MAPK8IP2: variants seen among roughly 807,000 people sequenced by gnomAD.
MAPK8IP2 encodes mitogen-activated protein kinase 8 interacting protein 2.
A neutral mutation model predicts 75.6 loss-of-function variants in MAPK8IP2; 15 were observed. The ratio of observed to expected loss-of-function variants is 0.20; its 90% CI spans 0.13 to 0.31. MAPK8IP2 has a LOEUF of 0.31. Among genes scored for constraint, MAPK8IP2 ranks in the 10% least tolerant of loss-of-function variants. The pLI, the probability that MAPK8IP2 is intolerant of heterozygous loss-of-function variation, is 1.00. For synonymous variants in MAPK8IP2, 632 were observed against 554.5 expected (o/e 1.14, Z -1.96); for missense variants, 1,089 against 1,211.2 (o/e 0.90, Z 1.50).
rs2070986691 is a variant in MAPK8IP2, at chr22:50,603,892, C to G, written c.593C>G (p.Ser198Trp). The G allele has an allele frequency of 2.0e-6, 3 of 1,535,640 alleles. No individual in the cohort carries two copies. Among genetic ancestry groups the G allele is most frequent in the Non-Finnish European group, 2.6e-6 (3 of 1,143,886 alleles). Residue 198 changes from serine (S) to tryptophan (W), a missense_variant, in exon 5 of 12, where the codon TCG becomes TGG. Physicochemically the swap from Ser to Trp is radical, Grantham distance 177. Around this residue, in one of 2 missense-constraint regions of MAPK8IP2, gnomAD observed 960 missense variants for 1,009.6 expected, o/e 0.95. Coordinates refer to ENST00000329492, the MANE Select transcript of MAPK8IP2 (RefSeq NM_012324.6). ...GACACCGGGCCCGGCGGGGCGCAGT[C>G]GCCAGTGCGCCCGGGTTGCGACTGC... is the stretch of plus-strand genomic sequence containing the variant. ...ATDTGPGGAQ[S>W]PVRPGCDCEG...
chr22:50,608,761 C>G (rs1173758096), intron 10 of MAPK8IP2, among the ~76,000 whole-genome samples: 1 of 133,870 alleles, frequency 7.5e-6, no homozygotes, highest in South Asian at 2.5e-4. Context: ...CTGGGGTCAC[C>G]GGGACAGCGG....
chr22:50,610,560 A>C lies in MAPK8IP2; in HGVS notation c.2403-147A>C, dbSNP rs1189618320. The C allele has an allele frequency of 1.2e-5, 9 of 728,812 alleles. No homozygotes were observed. The highest frequency in any genetic ancestry group is 1.1e-4 in the Admixed American group (5 of 46,566). 45.1% of individuals were successfully genotyped at this position (728,812 alleles called of 1,614,324 possible). ...CTGGGCCAGGAGAGCTGAGGGTCAC[A>C]CTTGGGGGTGACATGGCCATGCCTG... On this transcript the variant is annotated intron_variant, in intron 11 of 11. Transcript: ENST00000329492. This position sits in a 1 kb window ranked among gnomAD's most constrained non-coding sequence, Gnocchi z 4.3.
At position 50,605,746 on chromosome 22, in the gene MAPK8IP2, A is replaced by G. The variant is rs768784388; in HGVS notation, c.2014+12A>G. 9 of 1,605,310 alleles carry G rather than the reference A, an allele frequency of 5.6e-6. 1 individual carries two copies. The South Asian group carries it at 6.7e-5, about 12-fold the overall frequency. On this transcript the variant is annotated intron_variant, in intron 7 of 11. Transcript: ENST00000329492. Reference sequence around the variant, plus strand: ...CAAGGACCTGCTGGGTGAGGTCCCAACCCCGAGGGGAGGCTTTTCACCCCA... The same window carrying G: ...CAAGGACCTGCTGGGTGAGGTCCCAGCCCCGAGGGGAGGCTTTTCACCCCA...
Position 50,603,990 on chromosome 22 carries a change from G to A in MAPK8IP2, c.691G>A (p.Asp231Asn). Residue 231 changes from aspartate (D) to asparagine (N), a missense_variant, in exon 5 of 12, where the codon GAC (aspartate) becomes AAC (asparagine). By Grantham distance (23) the Asp-to-Asn change is conservative (BLOSUM62 1). Coordinates refer to ENST00000329492, the MANE Select transcript of MAPK8IP2 (RefSeq NM_012324.6). ...SPSSDPGIEADLRSRSSGGRG... is the reference protein window; with the variant it reads ...SPSSDPGIEANLRSRSSGGRG... ...CTCCTCAGATCCCGGCATCGAGGCT[G>A]ACCTGAGAAGCCGCTCGAGCGGCGG... is the stretch of plus-strand genomic sequence containing the variant. The A allele has an allele frequency of 6.4e-7, 1 of 1,560,348 alleles. No homozygotes were observed. The highest frequency in any genetic ancestry group is 8.6e-7 in the Non-Finnish European group (1 of 1,160,112).
Position 50,604,845 on chromosome 22 carries a change from G to A in MAPK8IP2, c.1546G>A (p.Asp516Asn). 6.3e-7 allele frequency: 1 copy of A among 1,587,528 alleles called. No homozygotes were observed. Among genetic ancestry groups the A allele is most frequent in the South Asian group, 1.1e-5 (1 of 88,624 alleles). The change falls in exon 5 of 12, where the codon GAT becomes AAT. Residue 516 changes from aspartate to asparagine, a missense_variant. By Grantham distance (23) the Asp-to-Asn change is conservative. Around this residue, in one of 2 missense-constraint regions of MAPK8IP2, gnomAD observed 960 missense variants for 1,009.6 expected, o/e 0.95. Coordinates refer to ENST00000329492, the MANE Select transcript of MAPK8IP2 (RefSeq NM_012324.6). ...YDAVKYTLVV[D>N]EHTQLELVSL... is the part of the protein sequence containing the mutation. ...CGCGGTCAAGTACACGCTGGTGGTGGATGAGCACACGCAGCTGGAGCTGGT... is the reference window on the plus strand; with the variant it reads ...CGCGGTCAAGTACACGCTGGTGGTGAATGAGCACACGCAGCTGGAGCTGGT...
At position 50,603,354 on chromosome 22, in the gene MAPK8IP2, G is replaced by T; in HGVS notation, c.303G>T (p.Glu101Asp). The T allele has an allele frequency of 6.4e-7, 1 of 1,555,008 alleles. No individual in the cohort carries two copies. Among genetic ancestry groups the T allele is most frequent in the East Asian group, 2.4e-5 (1 of 41,758 alleles). Reference protein sequence around the residue: ...DDEDEEEEEEEEEGDGEGQEG... With the variant: ...DDEDEEEEEEDEEGDGEGQEG... Reference sequence around the variant, plus strand: ...AGGACGAGGAAGAGGAGGAGGAGGAGGAGGAGGGAGATGGGGAAGGCCAGG... The same window carrying T: ...AGGACGAGGAAGAGGAGGAGGAGGATGAGGAGGGAGATGGGGAAGGCCAGG... The change falls in exon 3 of 12, where the codon GAG (glutamate) becomes GAT (aspartate). Residue 101 changes from glutamate (E) to aspartate (D), a missense_variant. Glu to Asp is a conservative substitution (Grantham distance 45, BLOSUM62 2). Transcript: ENST00000329492.
In MAPK8IP2 at chr22:50,610,105, C is replaced by T. The variant is rs963560544; in HGVS notation, c.2304-107C>T. Reference sequence around the variant, plus strand: ...GCGACCCCCACACTCCTGTCCCTTACCCTCTCCCCAAGCCCTTTGTTCCTG... The same window carrying T: ...GCGACCCCCACACTCCTGTCCCTTATCCTCTCCCCAAGCCCTTTGTTCCTG... On this transcript the variant is annotated intron_variant, in intron 10 of 11. Coordinates refer to ENST00000329492, the MANE Select transcript of MAPK8IP2 (RefSeq NM_012324.6). This position sits in a 1 kb window ranked among gnomAD's most constrained non-coding sequence, Gnocchi z 4.3. 1 of 818,144 alleles carries T rather than the reference C, an allele frequency of 1.2e-6. No homozygotes were observed. 50.7% of individuals were successfully genotyped at this position (818,144 alleles called of 1,614,324 possible).
In MAPK8IP2 at chr22:50,606,780, G is replaced by A; in HGVS notation, c.2232+15G>A. 1 of 1,574,002 alleles carries A rather than the reference G, an allele frequency of 6.4e-7. No homozygotes were observed. Among genetic ancestry groups the A allele is most frequent in the South Asian group, 1.2e-5 (1 of 86,634 alleles). On this transcript the variant is annotated intron_variant, in intron 9 of 11. Coordinates refer to ENST00000329492, the MANE Select transcript of MAPK8IP2 (RefSeq NM_012324.6). The stretch of plus-strand genomic sequence containing the variant: ...GAGGGCCCGAGGTGGGAGTGTGGGG[G>A]ACTGGGGACCGGGGACTGGGGGATA...
In MAPK8IP2 at chr22:50,603,834, C is replaced by T; in HGVS notation, c.542-7C>T. 2 of 1,526,442 alleles carry T rather than the reference C, an allele frequency of 1.3e-6. No homozygotes were observed. Among genetic ancestry groups the T allele is most frequent in the East Asian group, 2.5e-5 (1 of 40,526 alleles). The allele number at this position is 1,526,442 out of a possible 1,614,324, so 94.6% of individuals were successfully genotyped here. On this transcript the variant is annotated splice_polypyrimidine_tract_variant and splice_region_variant and intron_variant, in intron 4 of 11. Coordinates refer to ENST00000329492, the MANE Select transcript of MAPK8IP2 (RefSeq NM_012324.6). ...AGAGAGGGTGACCCCACCTCCCTGCCCAGCAGAGCTCCCGGGCCCCCTCCC... is the reference window on the plus strand; with the variant it reads ...AGAGAGGGTGACCCCACCTCCCTGCTCAGCAGAGCTCCCGGGCCCCCTCCC...
intron 10 of MAPK8IP2, chr22:50,609,744 G>C (rs2071114892): frequency 1.9e-6 from 1 of 515,176 alleles, no homozygotes; most frequent in Non-Finnish European, 3.9e-6. Flanking sequence ...CTTTCCAGTG[G>C]GAGCGAGGGG....
chr22:50,605,338 C>G, intron 5 of MAPK8IP2, 30 bp from the exon 6 acceptor site: 1 of 1,603,106 alleles, frequency 6.2e-7, no homozygotes, highest in Non-Finnish European at 8.5e-7. Context: ...CTCCCTGTCT[C>G]CCCCGCCTCT....
intron 10 of MAPK8IP2, chr22:50,609,972 A>G (rs2269380): frequency 0.18 from 123,017 of 691,160 alleles, 12,437 homozygotes; most frequent in African/African-American, 0.32. Context: ...GGGAGAGTGG[A>G]CGCCCCTGGT....
rs370136290 is a variant in MAPK8IP2 at position 50,606,776 on chromosome 22, G to C, written c.2232+11G>C. 1.9e-6 allele frequency: 3 copies of C among 1,573,824 alleles called. No homozygotes were observed. The highest frequency in any genetic ancestry group is 1.7e-4 in the Middle Eastern group (1 of 6,026). On this transcript the variant is annotated intron_variant, in intron 9 of 11. Coordinates refer to ENST00000329492, the MANE Select transcript of MAPK8IP2 (RefSeq NM_012324.6). ...GGAGGAGGGCCCGAGGTGGGAGTGT[G>C]GGGGACTGGGGACCGGGGACTGGGG...
chr22:50,601,104 C>G (rs1273189010), intron 1 of MAPK8IP2: 1 of 160,652 alleles, frequency 6.2e-6, no homozygotes, highest in African/African-American at 2.4e-5. Context: ...CAGTGACCCC[C>G]GGGCCCCGCC....
rs1183041410 is a variant in MAPK8IP2 at position 50,603,371 on chromosome 22, A to G, written c.320A>G (p.Glu107Gly). Residue 107 changes from glutamate to glycine, a missense_variant, in exon 3 of 12, where the codon GAA (glutamate) becomes GGA (glycine). By Grantham distance (98) the Glu-to-Gly change is moderately conservative (BLOSUM62 -2). Around this residue, in one of 2 missense-constraint regions of MAPK8IP2, gnomAD observed 960 missense variants for 1,009.6 expected, o/e 0.95. Transcript: ENST00000329492. The part of the protein sequence containing the change: ...EEEEEEEGDG[E>G]GQEGGDPGSE... ...GAGGAGGAGGAGGAGGGAGATGGGG[A>G]AGGCCAGGAGGGAGGAGACCCTGGC... is the stretch of plus-strand genomic sequence containing the variant. 3.2e-6 allele frequency: 5 copies of G among 1,555,538 alleles called. No individual in the cohort carries two copies. In the Admixed American group the frequency reaches 7.7e-5, roughly 24 times the overall value.
At chr22:50,601,453 G>GAGA in intron 1 of MAPK8IP2, 2 of 243,938 alleles carry the variant, frequency 8.2e-6, no homozygotes, top group Admixed American at 9.5e-5. Flanking sequence ...CCGCTGCCGC[G>GAGA]TTGCAGCTCC....
At position 50,608,328 on chromosome 22, in the gene MAPK8IP2, GGGC is replaced by G. The variant is rs1486830839; in HGVS notation, c.2303+1338_2303+1340del. 9.7e-4 allele frequency among the ~76,000 whole-genome samples: 146 copies of G among 150,348 alleles called. 1 individual carries two copies. In the East Asian group the frequency reaches 0.025, roughly 26 times the overall value. ...CTCTGGGGTGGAGAGGTGGGACAGCGGGCAGGGGCGCAGACCAGACAGCGGGGC... is the reference window on the plus strand; with the variant it reads ...CTCTGGGGTGGAGAGGTGGGACAGCGAGGGGCGCAGACCAGACAGCGGGGC... On this transcript the variant is annotated intron_variant, in intron 10 of 11. Transcript: ENST00000329492.
At chr22:50,606,562 ATAAGC>A (rs1219494197) in intron 8 of MAPK8IP2, 91 bp from the exon 9 acceptor site, 29 of 866,552 alleles carry the variant, frequency 3.3e-5, no homozygotes, top group Non-Finnish European at 5.5e-5. Context: ...GTCCTCAAAC[ATAAGC>A]TAAAAGGAGC....
Position 50,601,840 on chromosome 22 carries a change from G to A in MAPK8IP2, c.117G>A (p.Glu39=), listed in dbSNP as rs1603444224. 1 of 1,613,952 alleles carries A rather than the reference G, an allele frequency of 6.2e-7. No homozygotes were observed. The change falls in exon 2 of 12, where the codon GAG becomes GAA. Residue 39 remains glutamate, a synonymous_variant. Transcript: ENST00000329492. ...AATTTGACGACGAAGATCTGTCTGA[G>A]ATCACTGATGACTGTGGCCTGGGCC... ...LEEFDDEDLS[E]ITDDCGLGLS... is the part of the protein sequence containing the mutation.
Sources: allele counts gnomAD v4.1 joint callset (sites outside exome capture counted in the v4.1 genomes callset), GRCh38; gene constraint gnomAD v4.1.1; regional missense constraint gnomAD v4.1.1; non-coding constraint Gnocchi (gnomAD v3.1); transcripts MANE v1.5; gene names NCBI Gene and HGNC (gene_info 2026-07-23, HGNC 2026-07-21).